The following ERCC8 variants were observed in gnomAD, a reference collection of about 807,000 sequenced individuals.
ERCC8 encodes DNA excision repair protein ERCC-8.
Under a neutral mutation model 54.9 loss-of-function variants are expected in ERCC8, and 52 were observed. The ratio of observed to expected loss-of-function variants is 0.95; its 90% CI spans 0.76 to 1.19. ERCC8 has a LOEUF of 1.19. Ranked by LOEUF, ERCC8 falls within the 50% of genes most tolerant of loss-of-function variation. The probability of loss-of-function intolerance (pLI) is 0.00; values close to 1 mark genes in which losing one functional copy is unlikely to be tolerated. For synonymous variants in ERCC8, 146 were observed against 157.2 expected, an observed-to-expected ratio of 0.93 and a Z score of 0.53; for missense variants, 514 against 466.1, an observed-to-expected ratio of 1.10 and a Z score of -0.95.
Position 60,899,713 on chromosome 5 carries a change from A to G in ERCC8, c.632T>C (p.Val211Ala), listed in dbSNP as rs774200185. 6.2e-7 allele frequency: 1 copy of G among 1,610,782 alleles called. No homozygotes were observed. Among genetic ancestry groups the G allele is most frequent in the African/African-American group, 1.3e-5 (1 of 74,830 alleles). The change falls in exon 8 of 12, where the codon GTA becomes GCA. Residue 211 changes from valine (V) to alanine (A), a missense_variant. Physicochemically the swap from Val to Ala is moderately conservative, Grantham distance 64. Transcript: ENST00000676185. ...TGCTCTTCTCACATCCCATAATTTT[A>G]CTCTACTGTCAGCACTGAGAAGAAA... The part of the protein sequence containing the change: ...ILATASADSR[V>A]KLWDVRRASG...
At chr5:60,934,281 G>T (rs1022899963) in intron 1 of ERCC8, among the ~76,000 whole-genome samples, 1 of 152,052 alleles carries the variant, frequency 6.6e-6, no homozygotes, top group Non-Finnish European at 1.5e-5. Context: ...GGTCATTCTT[G>T]CAGGACTAAG....
In ERCC8 at chr5:60,868,510, T is replaced by C. The variant is rs1747799476; in HGVS notation, c.*6105A>G. ...CCCCCTTCCTTTGAAATTTTAATTG[T>C]CTAATTATTAGGTTGGTGCAAAAGT... is the stretch of plus-strand genomic sequence containing the variant. On this transcript the variant is annotated 3_prime_UTR_variant, in exon 12 of 12. Coordinates refer to ENST00000676185, the MANE Select transcript of ERCC8 (RefSeq NM_000082.4). Among the ~76,000 whole-genome samples the C allele has an allele frequency of 6.6e-6, 1 of 152,186 alleles. No homozygotes were observed. Among genetic ancestry groups the C allele is most frequent in the South Asian group, 2.1e-4 (1 of 4,828 alleles).
chr5:60,904,636 A>ATATATATATATATT (rs1749009440), intron 5 of ERCC8, among the ~76,000 whole-genome samples, 156 bp downstream of exon 5: 1 of 17,084 alleles, frequency 5.9e-5, no homozygotes, highest in African/African-American at 4.0e-4. Context: ...GTGTGTGTGT[A>ATATATATATATATT]TATATATATA....
chr5:60,887,717 T>C (rs4647128), intron 10 of ERCC8, among the ~76,000 whole-genome samples, 197 bp from the exon 11 acceptor site: 3,658 of 152,320 alleles, frequency 0.024, 62 homozygotes, highest in Non-Finnish European at 0.037. Flanking sequence ...AAAATAGTAT[T>C]AGGATTTGTC....
At chr5:60,925,198 T>C (rs1239014166) in intron 2 of ERCC8, among the ~76,000 whole-genome samples, 1 of 152,226 alleles carries the variant, frequency 6.6e-6, no homozygotes, top group Non-Finnish European at 1.5e-5. Context: ...AAACATCCTC[T>C]TCTTCCCTTA....
At chr5:60,927,314 G>A (rs139365184) in intron 2 of ERCC8, among the ~76,000 whole-genome samples, 1 of 152,216 alleles carries the variant, frequency 6.6e-6, no homozygotes, top group African/African-American at 2.4e-5. Context: ...TATACACATC[G>A]ATTTTTTTAG....
chr5:60,938,954 A>G (rs891896804), intron 1 of ERCC8, among the ~76,000 whole-genome samples: 16 of 152,178 alleles, frequency 1.1e-4, no homozygotes, highest in Non-Finnish European at 1.9e-4. Flanking sequence ...AGAATTTTGT[A>G]AAGTATTTTA....
rs1441928087 is a variant in ERCC8 at position 60,869,048 on chromosome 5, G to A, written c.*5567C>T. ...GCTTTAGTGATAAGTTTTTTAGTTCGGGCTCAATAATTAGCACCTGAACAT... is the reference window on the plus strand; with the variant it reads ...GCTTTAGTGATAAGTTTTTTAGTTCAGGCTCAATAATTAGCACCTGAACAT... On this transcript the variant is annotated 3_prime_UTR_variant, in exon 12 of 12. Transcript: ENST00000676185. Among the ~76,000 whole-genome samples, 6 of 151,862 alleles carry A rather than the reference G, an allele frequency of 4.0e-5. No individual in the cohort carries two copies. Among genetic ancestry groups the A allele is most frequent in the Non-Finnish European group, 5.9e-5 (4 of 67,964 alleles).
intron 1 of ERCC8, among the ~76,000 whole-genome samples, chr5:60,939,131 C>T (rs1364772441): frequency 6.6e-6 from 1 of 152,078 alleles, no homozygotes; most frequent in Admixed American, 6.5e-5. Flanking sequence ...GTCATGGTTT[C>T]TTCTTTTACC....
At chr5:60,924,665 C>CA (rs1749697969) in intron 2 of ERCC8, among the ~76,000 whole-genome samples, 2 of 152,084 alleles carry the variant, frequency 1.3e-5, no homozygotes, top group African/African-American at 4.8e-5. Flanking sequence ...TTGGGAACTT[C>CA]TATCATATGT....
intron 11 of ERCC8, among the ~76,000 whole-genome samples, chr5:60,879,516 AG>A (rs1748134113): frequency 6.6e-6 from 1 of 152,154 alleles, no homozygotes; most frequent in African/African-American, 2.4e-5. Context: ...GTCTCTTTTT[AG>A]GTCTCTAAGG....
At chr5:60,938,064 TATATATATATATATATATATA>T (rs1161432957) in intron 1 of ERCC8, among the ~76,000 whole-genome samples, 6 of 28,520 alleles carry the variant, frequency 2.1e-4, no homozygotes, top group African/African-American at 6.4e-4. Context: ...TATATATATA[TATATATATATATATATATATA>T]TTTTATTTTT....
intron 6 of ERCC8, 133 bp downstream of exon 6, chr5:60,903,515 T>A (rs992888617): frequency 1.2e-5 from 17 of 1,444,382 alleles, no homozygotes; most frequent in Admixed American, 2.2e-5. Flanking sequence ...GATCTTTATT[T>A]CCCTGCTGAG....
At chr5:60,906,652 C>A (rs962173574) in intron 4 of ERCC8, among the ~76,000 whole-genome samples, 1 of 151,934 alleles carries the variant, frequency 6.6e-6, no homozygotes, top group East Asian at 1.9e-4. Context: ...TCGCTTGAAC[C>A]CGGGAGGCAG....
chr5:60,881,655 G>A (rs1383647284), intron 11 of ERCC8, among the ~76,000 whole-genome samples: 5 of 151,922 alleles, frequency 3.3e-5, no homozygotes, highest in African/African-American at 7.2e-5. Flanking sequence ...CGGACCCTCC[G>A]AGCCAGGCGC....
chr5:60,881,487 T>A (rs1027434173), intron 11 of ERCC8, among the ~76,000 whole-genome samples: 2 of 152,210 alleles, frequency 1.3e-5, no homozygotes, highest in Non-Finnish European at 2.9e-5. Context: ...GCAGGCCTCC[T>A]TGAGCTGTGG....
intron 9 of ERCC8, chr5:60,892,756 G>A: frequency 1.4e-6 from 1 of 692,144 alleles, no homozygotes; most frequent in South Asian, 1.6e-5. Context: ...ACAATGGCTG[G>A]AGCATCCAGC....
intron 5 of ERCC8, among the ~76,000 whole-genome samples, 174 bp downstream of exon 5, chr5:60,904,618 T>C (rs1748998868): frequency 8.5e-6 from 1 of 117,094 alleles, no homozygotes; most frequent in South Asian, 2.8e-4. Flanking sequence ...GTTGAATATA[T>C]ATAGTGTGTG....
intron 9 of ERCC8, chr5:60,893,284 C>CA: frequency 9.9e-7 from 1 of 1,008,024 alleles, no homozygotes; most frequent in Admixed American, 1.7e-5. Context: ...TTAATTCCTG[C>CA]AAAACTTCTT....
Sources: gnomAD v4.1 joint callset for allele counts (sites outside exome capture counted in the v4.1 genomes callset) on GRCh38, gnomAD v4.1.1 for gene constraint, MANE v1.5 for transcripts, NCBI Gene and HGNC (gene_info 2026-07-23, HGNC 2026-07-21) for gene names.